ACSBG1: variants seen among roughly 807,000 people sequenced by gnomAD.
ACSBG1 encodes the protein acyl-CoA synthetase bubblegum family member 1, also known as long-chain-fatty-acid--CoA ligase ACSBG1.
A neutral mutation model predicts 80.2 loss-of-function variants in ACSBG1; 39 were observed. The observed-to-expected ratio is 0.49, with a 90% CI of 0.38 to 0.64. ACSBG1 has a LOEUF of 0.64. ACSBG1 is among the 30% of genes least tolerant of loss of function. The pLI, the probability that ACSBG1 is intolerant of heterozygous loss-of-function variation, is 0.00. For missense variants in ACSBG1, 828 were observed against 966.4 expected (o/e 0.86, Z 1.90); for synonymous variants, 392 against 379.5 (o/e 1.03, Z -0.38).
intron 1 of ACSBG1, among the ~76,000 whole-genome samples, chr15:78,229,199 G>C (rs2075427509): frequency 6.6e-6 from 1 of 151,174 alleles, no homozygotes; most frequent in African/African-American, 2.4e-5. Context: ...TTTTTGTTTT[G>C]TTATATTCTT....
intron 2 of ACSBG1, among the ~76,000 whole-genome samples, chr15:78,206,896 C>A (rs1279263275): frequency 6.6e-6 from 1 of 152,162 alleles, no homozygotes; most frequent in Non-Finnish European, 1.5e-5. Flanking sequence ...CCTTCCTGCC[C>A]CTTGAATTGC....
intron 2 of ACSBG1, among the ~76,000 whole-genome samples, chr15:78,205,788 G>A (rs569786915): frequency 6.6e-6 from 1 of 152,300 alleles, no homozygotes; most frequent in East Asian, 1.9e-4. Flanking sequence ...GATAGGGATA[G>A]TTGGCTTTTC....
rs2141309144 is a variant in ACSBG1, at chr15:78,169,498, T to A, written c.*1946A>T. ...CACAAGAGAATTTTCCTGGGAAAGT[T>A]CACATCAAAAAGAGTGAATGTGGTA... is the stretch of plus-strand genomic sequence containing the variant. On this transcript the variant is annotated 3_prime_UTR_variant, in exon 14 of 14. Coordinates refer to ENST00000258873, the MANE Select transcript of ACSBG1 (RefSeq NM_015162.5). 2 of 152,346 alleles carry A rather than the reference T, an allele frequency of 1.3e-5. No individual in the cohort carries two copies. Among genetic ancestry groups the A allele is most frequent in the Middle Eastern group, 6.8e-3 (2 of 294 alleles). 9.4% of individuals were successfully genotyped at this position (152,346 alleles called of 1,614,324 possible).
chr15:78,202,578 C>T (rs2075178817), intron 2 of ACSBG1, among the ~76,000 whole-genome samples: 1 of 152,180 alleles, frequency 6.6e-6, no homozygotes, highest in Admixed American at 6.5e-5. Flanking sequence ...TCTCCTGAAG[C>T]CATCTGAACT....
chr15:78,167,658 A>G lies in ACSBG1; in HGVS notation c.*3786T>C, dbSNP rs2074762234. On this transcript the variant is annotated 3_prime_UTR_variant, in exon 14 of 14. Coordinates refer to ENST00000258873, the MANE Select transcript of ACSBG1 (RefSeq NM_015162.5). ...TGAGACTCTGCACCCGTTAAACAGT[A>G]ACTTTCCCTTCCCCCTCCCATCCTC... The G allele has an allele frequency of 6.6e-6, 1 of 152,174 alleles. No individual in the cohort carries two copies. Among genetic ancestry groups the G allele is most frequent in the African/African-American group, 2.4e-5 (1 of 41,422 alleles). 9.4% of individuals were successfully genotyped at this position (152,174 alleles called of 1,614,324 possible). A position where few individuals can be genotyped will look rare whatever the true frequency, so the allele number is the denominator to read the frequency against.
At position 78,167,470 on chromosome 15, in the gene ACSBG1, T is replaced by TA. The variant is rs2141304909; in HGVS notation, c.*3973dup. 1 of 152,346 alleles carries TA rather than the reference T, an allele frequency of 6.6e-6. No individual in the cohort carries two copies. The highest frequency in any genetic ancestry group is 2.1e-4 in the South Asian group (1 of 4,832). The allele number at this position is 152,346 out of a possible 1,614,324, so 9.4% of individuals were successfully genotyped here. A position where few individuals can be genotyped will look rare whatever the true frequency, so the allele number is the denominator to read the frequency against. Reference sequence around the variant, plus strand: ...AATAATGCACTTGAAGACTCATCCCTAATTTGAGGTCCTTTTTAACAAAAA... The same window carrying TA: ...AATAATGCACTTGAAGACTCATCCCTAAATTTGAGGTCCTTTTTAACAAAAA... On this transcript the variant is annotated 3_prime_UTR_variant, in exon 14 of 14. Transcript: ENST00000258873.
In ACSBG1 at chr15:78,168,749, C is replaced by T. The variant is rs1285860734; in HGVS notation, c.*2695G>A. 1.7e-6 allele frequency: 1 copy of T among 584,266 alleles called. No individual in the cohort carries two copies. The highest frequency in any genetic ancestry group is 2.8e-5 in the Admixed American group (1 of 35,670). The allele number at this position is 584,266 out of a possible 1,614,324, so 36.2% of individuals were successfully genotyped here. On this transcript the variant is annotated 3_prime_UTR_variant, in exon 14 of 14. Transcript: ENST00000258873. ...TACACTATGAGATTGGATCCCGATCCTCCTGGGCTGGGTAGATGGTGGTGG... is the reference window on the plus strand; with the variant it reads ...TACACTATGAGATTGGATCCCGATCTTCCTGGGCTGGGTAGATGGTGGTGG...
intron 2 of ACSBG1, among the ~76,000 whole-genome samples, chr15:78,194,980 C>T (rs2075099677): frequency 6.6e-6 from 1 of 152,242 alleles, no homozygotes. Flanking sequence ...AACTGGAGGA[C>T]AGACGGAAGT....
chr15:78,222,151 G>T (rs2075363936), intron 1 of ACSBG1, among the ~76,000 whole-genome samples: 1 of 152,124 alleles, frequency 6.6e-6, no homozygotes, highest in South Asian at 2.1e-4. Context: ...CTACAACATG[G>T]ATGAATCTTG....
chr15:78,183,001 G>T, intron 5 of ACSBG1: 1 of 591,160 alleles, frequency 1.7e-6, no homozygotes, highest in Non-Finnish European at 3.0e-6. Context: ...GACTGGGGAT[G>T]ACTCCCCATT....
intron 1 of ACSBG1, among the ~76,000 whole-genome samples, chr15:78,208,564 C>T (rs1270290448): frequency 6.6e-6 from 1 of 152,212 alleles, no homozygotes; most frequent in African/African-American, 2.4e-5. Flanking sequence ...TGCCCAGAAA[C>T]TGAGTGGAGC....
In ACSBG1 at chr15:78,179,531, T is replaced by C. The variant is rs2074918690; in HGVS notation, c.1484+19A>G. 2 of 1,601,748 alleles carry C rather than the reference T, an allele frequency of 1.2e-6. No homozygotes were observed. Among genetic ancestry groups the C allele is most frequent in the Non-Finnish European group, 8.5e-7 (1 of 1,169,672 alleles). On this transcript the variant is annotated intron_variant, in intron 10 of 13. Transcript: ENST00000258873. ...AAGGGCGCATGGGTGTGCATGTGTGTGGCAGCCTCGAGCCTCACCTGTACA... is the reference window on the plus strand; with the variant it reads ...AAGGGCGCATGGGTGTGCATGTGTGCGGCAGCCTCGAGCCTCACCTGTACA...
chr15:78,200,107 C>T (rs113941555), intron 2 of ACSBG1, among the ~76,000 whole-genome samples: 548 of 152,294 alleles, frequency 3.6e-3, no homozygotes, highest in Non-Finnish European at 6.1e-3. Flanking sequence ...TTTCTCCTCT[C>T]CCATCAGCTA....
At position 78,172,553 on chromosome 15, in the gene ACSBG1, A is replaced by G. The variant is rs1408792579; in HGVS notation, c.2090-1024T>C. On this transcript the variant is annotated intron_variant, in intron 13 of 13. Coordinates refer to ENST00000258873, the MANE Select transcript of ACSBG1 (RefSeq NM_015162.5). The surrounding 1 kb of genome is among the most constrained non-coding windows in gnomAD (Gnocchi z 4.1). Reference sequence around the variant, plus strand: ...ACTCACTCTTGACTGTGTAACTGGAAACTTTCTGTGTTAAAGTCATTATAT... The same window carrying G: ...ACTCACTCTTGACTGTGTAACTGGAGACTTTCTGTGTTAAAGTCATTATAT... Among the ~76,000 whole-genome samples the G allele has an allele frequency of 1.3e-5, 2 of 152,214 alleles. No homozygotes were observed. The highest frequency in any genetic ancestry group is 1.3e-4 in the Admixed American group (2 of 15,282).
In ACSBG1 at chr15:78,171,322, G is replaced by C; in HGVS notation, c.*122C>G. On this transcript the variant is annotated 3_prime_UTR_variant, in exon 14 of 14. Coordinates refer to ENST00000258873, the MANE Select transcript of ACSBG1 (RefSeq NM_015162.5). ...AAATGTAGAGCCAGTGCTGTGCCCT[G>C]ACCTGGAGATCTAACAGACTTGGCA... 2.8e-6 allele frequency: 2 copies of C among 721,514 alleles called. No individual in the cohort carries two copies. Among genetic ancestry groups the C allele is most frequent in the Non-Finnish European group, 4.6e-6 (2 of 431,370 alleles). 44.7% of individuals were successfully genotyped at this position (721,514 alleles called of 1,614,324 possible). A position where few individuals can be genotyped will look rare whatever the true frequency, so the allele number is the denominator to read the frequency against.
chr15:78,172,994 G>A lies in ACSBG1; in HGVS notation c.2089+599C>T, dbSNP rs533351535. On this transcript the variant is annotated intron_variant, in intron 13 of 13. Transcript: ENST00000258873. This position sits in a 1 kb window ranked among gnomAD's most constrained non-coding sequence, Gnocchi z 4.1. ...GCCTGGTAGTTCCATTGTGATTTTC[G>A]GAGAAAACAGTCCCATAGTCAAGGC... is the stretch of plus-strand genomic sequence containing the variant. 8.5e-5 allele frequency among the ~76,000 whole-genome samples: 13 copies of A among 152,290 alleles called. 1 individual carries two copies. The South Asian group carries it at 1.7e-3, about 19-fold the overall frequency.
chr15:78,228,018 G>A (rs1595907977), intron 1 of ACSBG1, among the ~76,000 whole-genome samples: 1 of 152,182 alleles, frequency 6.6e-6, no homozygotes, highest in East Asian at 1.9e-4. Context: ...TTAGCCTCCT[G>A]AGTAGCTGGG....
chr15:78,195,599 G>T (rs970240526), intron 2 of ACSBG1, among the ~76,000 whole-genome samples: 3 of 152,174 alleles, frequency 2.0e-5, no homozygotes, highest in African/African-American at 7.2e-5. Flanking sequence ...TCTCAGGGTG[G>T]ACATGAGGAT....
intron 1 of ACSBG1, chr15:78,212,637 G>A (rs1343626722): frequency 1.1e-5 from 5 of 455,312 alleles, no homozygotes; most frequent in Non-Finnish European, 2.2e-5. Flanking sequence ...AGCTTGCCCA[G>A]GAGAGAGCCA....
Sources: allele counts gnomAD v4.1 joint callset (sites outside exome capture counted in the v4.1 genomes callset), GRCh38; gene constraint gnomAD v4.1.1; non-coding constraint Gnocchi (gnomAD v3.1); transcripts MANE v1.5; gene names NCBI Gene and HGNC (gene_info 2026-07-23, HGNC 2026-07-21).